DCHS2: variants seen among roughly 807,000 people sequenced by gnomAD.
DCHS2 encodes protocadherin-23.
A neutral mutation model predicts 182.4 loss-of-function variants in DCHS2; 142 were observed. The ratio of observed to expected loss-of-function variants is 0.78; its 90% confidence interval spans 0.68 to 0.89. The LOEUF is 0.89. Among genes scored for constraint, DCHS2 ranks in the 40% least tolerant of loss-of-function variants. The probability of loss-of-function intolerance (pLI) is 0.00; values close to 1 mark genes in which losing one functional copy is unlikely to be tolerated. For missense variants in DCHS2, 4,319 were observed against 4,198.6 expected, an observed-to-expected ratio of 1.03 and a Z score of -0.79; for synonymous variants, 1,740 against 1,663.3, an observed-to-expected ratio of 1.05 and a Z score of -1.12.
intron 1 of DCHS2, among the ~76,000 whole-genome samples, chr4:154,402,394 C>T (rs142037446): frequency 1.9e-3 from 292 of 152,298 alleles, no homozygotes; most frequent in African/African-American, 6.9e-3. Flanking sequence ...AATCAACTCA[C>T]AACTTTTATA....
At chr4:154,343,324 C>T (rs1729198056) in intron 3 of DCHS2, 1 of 675,252 alleles carries the variant, frequency 1.5e-6, no homozygotes, top group Non-Finnish European at 2.2e-6. Context: ...TGCATTAGCC[C>T]CTAACAAGAG....
In DCHS2 at chr4:154,420,351, C is replaced by T. The variant is rs187285732; in HGVS notation, c.2053-42907G>A. 1.4e-4 allele frequency among the ~76,000 whole-genome samples: 22 copies of T among 152,112 alleles called. No individual in the cohort carries two copies. The East Asian group carries it at 1.9e-3, about 13-fold the overall frequency. ...TAGATGGATGTGAGAGAATTTATCACGGGAATTGGCTCACACAGTTATAGA... is the reference window on the plus strand; with the variant it reads ...TAGATGGATGTGAGAGAATTTATCATGGGAATTGGCTCACACAGTTATAGA... On this transcript the variant is annotated intron_variant, in intron 1 of 19. Transcript: ENST00000357232.
At chr4:154,298,737 T>A in intron 12 of DCHS2, 29 bp from the exon 13 acceptor site, 2 of 1,528,596 alleles carry the variant, frequency 1.3e-6, no homozygotes, top group Non-Finnish European at 1.8e-6. Context: ...ACAAATTCAT[T>A]TGAATTGAAA....
At chr4:154,241,910 T>C (rs1439442825) in intron 17 of DCHS2, among the ~76,000 whole-genome samples, 1 of 152,198 alleles carries the variant, frequency 6.6e-6, no homozygotes, top group African/African-American at 2.4e-5. Context: ...GGTTGTAATT[T>C]GTTTAGAAAG....
At position 154,366,218 on chromosome 4, in the gene DCHS2, G is replaced by A; in HGVS notation, c.2468C>T (p.Ser823Phe). The A allele has an allele frequency of 6.2e-7, 1 of 1,611,670 alleles. No homozygotes were observed. Among genetic ancestry groups the A allele is most frequent in the South Asian group, 1.1e-5 (1 of 91,002 alleles). Reference protein sequence around the residue: ...GNVSSLFTIDSTTGIIYLTLP... With the variant: ...GNVSSLFTIDFTTGIIYLTLP... ...GTTCCAAGATCACATACCTGTGGTG[G>A]AGTCAATGGTAAAAAGGGACGACAC... The change falls in exon 3 of 20, where the codon TCC becomes TTC. Residue 823 changes from serine to phenylalanine, a missense_variant. Physicochemically the swap from Ser to Phe is radical, Grantham distance 155. Transcript: ENST00000357232.
chr4:154,301,902 C>A (rs957097697), intron 12 of DCHS2, among the ~76,000 whole-genome samples: 3 of 152,184 alleles, frequency 2.0e-5, no homozygotes, highest in African/African-American at 7.2e-5. Flanking sequence ...GCATTTACAA[C>A]ACAATTTTAC....
chr4:154,339,846 G>A (rs752464707), intron 3 of DCHS2, among the ~76,000 whole-genome samples: 2 of 152,132 alleles, frequency 1.3e-5, no homozygotes, highest in Non-Finnish European at 2.9e-5. Flanking sequence ...TGTAAAGTTT[G>A]AATACAAACA....
intron 1 of DCHS2, among the ~76,000 whole-genome samples, chr4:154,420,590 A>G (rs1733071684): frequency 6.6e-6 from 1 of 152,156 alleles, no homozygotes; most frequent in Non-Finnish European, 1.5e-5. Context: ...TACAGGCAGG[A>G]GAAGATAGTC....
intron 16 of DCHS2, among the ~76,000 whole-genome samples, chr4:154,254,881 C>A (rs1164525050): frequency 1.3e-5 from 2 of 152,016 alleles, no homozygotes; most frequent in African/African-American, 4.8e-5. Context: ...AATTGTGATC[C>A]CATCACTATC....
intron 1 of DCHS2, among the ~76,000 whole-genome samples, chr4:154,391,706 G>C (rs938433059): frequency 3.9e-5 from 6 of 152,086 alleles, no homozygotes; most frequent in African/African-American, 1.4e-4. Flanking sequence ...TCAATGTTTT[G>C]GGGGTTCTGT....
intron 1 of DCHS2, among the ~76,000 whole-genome samples, chr4:154,473,604 T>C (rs73854799): frequency 0.035 from 5,328 of 152,222 alleles, 208 homozygotes; most frequent in African/African-American, 0.099. Context: ...TGTTTGACCC[T>C]TCCGGGATGA....
At chr4:154,371,850 A>T (rs4696552) in intron 2 of DCHS2, among the ~76,000 whole-genome samples, 2 of 151,946 alleles carry the variant, frequency 1.3e-5, no homozygotes, top group East Asian at 3.9e-4. Context: ...ACAGTACCGG[A>T]GGGGGATGGT....
rs568404324 is a variant in DCHS2 at position 154,479,463 on chromosome 4, T to C, written c.2052+9841A>G. Among the ~76,000 whole-genome samples the C allele has an allele frequency of 1.1e-3, 165 of 152,050 alleles. 1 individual carries two copies. The highest frequency in any genetic ancestry group is 3.9e-3 in the African/African-American group (162 of 41,504). ...GCACATAGAATAAGCTTTCTCATTT[T>C]AAAAAAAAGTTTTCTTCACAAGTAA... is the stretch of plus-strand genomic sequence containing the variant. On this transcript the variant is annotated intron_variant, in intron 1 of 19. Coordinates refer to ENST00000357232, the MANE Select transcript of DCHS2 (RefSeq NM_001358235.2).
At chr4:154,247,212 T>C (rs9991923) in intron 16 of DCHS2, among the ~76,000 whole-genome samples, 130,866 of 152,202 alleles carry the variant, frequency 0.86, 57,936 homozygotes, top group East Asian at 1. Context: ...CGCAGTGGCT[T>C]ATGCCTTTAA....
chr4:154,305,132 A>T lies in DCHS2; in HGVS notation c.5360T>A (p.Leu1787His). The T allele has an allele frequency of 6.2e-7, 1 of 1,612,206 alleles. No individual in the cohort carries two copies. Residue 1787 changes from leucine (L) to histidine (H), a missense_variant, in exon 11 of 20, where the codon CTT becomes CAT. Transcript: ENST00000357232. The stretch of plus-strand genomic sequence containing the variant: ...GAAGACTTCTTGAATTTCTCTGTCA[A>T]GTATGGTGGTTGTCACTACCTCTCC... The part of the protein sequence containing the change: ...DTGEVVTTTI[L>H]DREIQEVFTL...
chr4:154,318,557 C>T (rs1237499331), intron 9 of DCHS2, among the ~76,000 whole-genome samples: 1 of 151,860 alleles, frequency 6.6e-6, no homozygotes, highest in Admixed American at 6.6e-5. Context: ...TATACACTAA[C>T]AAGGAACTGT....
In DCHS2 at chr4:154,236,178, A is replaced by AAGAG; in HGVS notation, c.8470_8473dup (p.Phe2825SerfsTer5). 1 of 1,613,914 alleles carries AAGAG rather than the reference A, an allele frequency of 6.2e-7. No homozygotes were observed. The highest frequency in any genetic ancestry group is 1.1e-5 in the South Asian group (1 of 91,080). ...ATCCCCTGTCAAAGGGTCAATGAGG[A>AAGAG]AGAGATCATGATCATAAGACATTCC... On this transcript the variant is annotated frameshift_variant, in exon 20 of 20. Coordinates refer to ENST00000357232, the MANE Select transcript of DCHS2 (RefSeq NM_001358235.2). LOFTEE classifies it low-confidence loss of function (END_TRUNC).
At chr4:154,379,408 C>A (rs1255584039) in intron 1 of DCHS2, among the ~76,000 whole-genome samples, 1 of 152,154 alleles carries the variant, frequency 6.6e-6, no homozygotes, top group Non-Finnish European at 1.5e-5. Flanking sequence ...ATATTTGGTG[C>A]ATACAAATAG....
Position 154,333,222 on chromosome 4 carries a change from T to G in DCHS2, c.2986A>C (p.Thr996Pro). 1.2e-6 allele frequency: 2 copies of G among 1,614,222 alleles called. No homozygotes were observed. Among genetic ancestry groups the G allele is most frequent in the Non-Finnish European group, 1.7e-6 (2 of 1,180,040 alleles). ...IRISQTTPPG[T>P]ALYLARAEDR... Reference sequence around the variant, plus strand: ...TCCGCACGTGCGAGGTACAAGGCTGTGCCAGGGGGCGTGGTCTGGGATATT... The same window carrying G: ...TCCGCACGTGCGAGGTACAAGGCTGGGCCAGGGGGCGTGGTCTGGGATATT... The change falls in exon 5 of 20, where the codon ACA (threonine) becomes CCA (proline). Residue 996 changes from threonine (T) to proline (P), a missense_variant. Transcript: ENST00000357232.
Sources: gnomAD v4.1 joint callset for allele counts (sites outside exome capture counted in the v4.1 genomes callset) on GRCh38, gnomAD v4.1.1 for gene constraint, MANE v1.5 for transcripts, NCBI Gene and HGNC (gene_info 2026-07-23, HGNC 2026-07-21) for gene names.